The following ADTRP variants were observed in gnomAD, a reference collection of about 807,000 sequenced individuals.
ADTRP encodes androgen dependent TFPI regulating protein, also known as androgen-dependent TFPI-regulating protein.
A neutral mutation model predicts 27.0 loss-of-function variants in ADTRP; 20 were observed. The ratio of observed to expected loss-of-function variants is 0.74; its 90% CI spans 0.52 to 1.08. The LOEUF is 1.08. Among genes scored for constraint, ADTRP ranks in the 50% least tolerant of loss-of-function variants. The probability of loss-of-function intolerance (pLI) is 0.00; values close to 1 mark genes in which losing one functional copy is unlikely to be tolerated. For synonymous variants in ADTRP, 101 were observed against 105.2 expected, an observed-to-expected ratio of 0.96 and a Z score of 0.25; for missense variants, 251 against 275.0, an observed-to-expected ratio of 0.91 and a Z score of 0.62.
At chr6:11,722,470 G>A (rs1282149650) in intron 5 of ADTRP, among the ~76,000 whole-genome samples, 1 of 152,122 alleles carries the variant, frequency 6.6e-6, no homozygotes, top group Non-Finnish European at 1.5e-5. Context: ...AGAACAGAAT[G>A]GCATGTGGGC....
intron 4 of ADTRP, among the ~76,000 whole-genome samples, chr6:11,725,630 C>T (rs928285498): frequency 2.6e-5 from 4 of 152,048 alleles, no homozygotes; most frequent in African/African-American, 9.7e-5. Flanking sequence ...TGGTGGTTCT[C>T]CCCAAAATTA....
At chr6:11,777,940 T>C (rs1764012127) in intron 1 of ADTRP, among the ~76,000 whole-genome samples, 2 of 152,260 alleles carry the variant, frequency 1.3e-5, no homozygotes, top group South Asian at 4.1e-4. Context: ...GTATTTTTCA[T>C]AATCTGCTTT....
At chr6:11,722,716 T>G (rs1762056921) in intron 5 of ADTRP, among the ~76,000 whole-genome samples, 1 of 152,192 alleles carries the variant, frequency 6.6e-6, no homozygotes, top group Admixed American at 6.5e-5. Context: ...ATGATTTTTT[T>G]TTCTTAGGAA....
chr6:11,743,526 C>A (rs1762779670), intron 3 of ADTRP, among the ~76,000 whole-genome samples: 1 of 152,188 alleles, frequency 6.6e-6, no homozygotes, highest in Non-Finnish European at 1.5e-5. Context: ...TGGCCCTTAG[C>A]TGAATCCTGA....
chr6:11,772,223 C>T (rs1763808087), intron 1 of ADTRP, among the ~76,000 whole-genome samples: 1 of 152,212 alleles, frequency 6.6e-6, no homozygotes, highest in Non-Finnish European at 1.5e-5. Context: ...GTGTTCCGTG[C>T]CTTTTCCTGA....
chr6:11,723,678 A>G (rs1216726398), intron 4 of ADTRP, among the ~76,000 whole-genome samples, 178 bp from the exon 5 acceptor site: 2 of 152,172 alleles, frequency 1.3e-5, no homozygotes, highest in Non-Finnish European at 2.9e-5. Flanking sequence ...GGGTAAATCA[A>G]CTTGATTCAA....
chr6:11,720,453 G>A (rs904468280), intron 5 of ADTRP, among the ~76,000 whole-genome samples: 1 of 150,584 alleles, frequency 6.6e-6, no homozygotes, highest in African/African-American at 2.4e-5. Flanking sequence ...TGGTTGGTTT[G>A]CGGCCAGGTG....
chr6:11,775,148 G>C (rs137908552), intron 1 of ADTRP, among the ~76,000 whole-genome samples: 6,591 of 152,142 alleles, frequency 0.043, 219 homozygotes, highest in South Asian at 0.2. Flanking sequence ...GAAGGGGAAG[G>C]GGGTGGATGA....
chr6:11,742,772 G>A (rs954322279), intron 3 of ADTRP, among the ~76,000 whole-genome samples: 1 of 152,172 alleles, frequency 6.6e-6, no homozygotes, highest in African/African-American at 2.4e-5. Context: ...TGCTGCCAGT[G>A]AGGAGGTAAT....
In ADTRP at chr6:11,714,069, G is replaced by T; in HGVS notation, c.*409C>A. 5.9e-6 allele frequency: 1 copy of T among 168,260 alleles called. No individual in the cohort carries two copies. Among genetic ancestry groups the T allele is most frequent in the Non-Finnish European group, 1.3e-5 (1 of 79,388 alleles). The allele number at this position is 168,260 out of a possible 1,614,324, so 10.4% of individuals were successfully genotyped here. A position where few individuals can be genotyped will look rare whatever the true frequency, so the allele number is the denominator to read the frequency against. ...GGTTCTGACACTAAGTAACCCTTTT[G>T]CCTTTTGCAGGTAACTTCTCATCTA... On this transcript the variant is annotated 3_prime_UTR_variant, in exon 6 of 6. Coordinates refer to ENST00000414691, the MANE Select transcript of ADTRP (RefSeq NM_032744.4).
chr6:11,730,140 C>T (rs1388960834), intron 4 of ADTRP, among the ~76,000 whole-genome samples: 1 of 152,188 alleles, frequency 6.6e-6, no homozygotes, highest in African/African-American at 2.4e-5. Flanking sequence ...TCTCCTAGTC[C>T]TCCACCTCCA....
intron 3 of ADTRP, among the ~76,000 whole-genome samples, chr6:11,762,210 C>A (rs555846347): frequency 1.3e-5 from 2 of 152,200 alleles, no homozygotes; most frequent in Non-Finnish European, 2.9e-5. Flanking sequence ...ACTAGCCATG[C>A]CTTGCTCATG....
intron 2 of ADTRP, among the ~76,000 whole-genome samples, chr6:11,768,005 C>T (rs1050780026): frequency 1.8e-4 from 28 of 152,160 alleles, no homozygotes; most frequent in East Asian, 1.9e-4. Context: ...CCCCATTAGA[C>T]GGCAATAAGG....
Position 11,723,369 on chromosome 6 carries a change from T to C in ADTRP, c.638A>G (p.Lys213Arg), listed in dbSNP as rs894923985. The C allele has an allele frequency of 1.3e-5, 21 of 1,614,020 alleles. No homozygotes were observed. The highest frequency in any genetic ancestry group is 1.7e-5 in the Non-Finnish European group (20 of 1,180,038). The stretch of plus-strand genomic sequence containing the variant: ...CTGACCCCATTTCCAGTGGTTGAGC[T>C]TCTCTCCAAGTAGGTAGATGCTGGC... ...FIASIYLLGE[K>R]LNHWKWGDMR... The change falls in exon 5 of 6, where the codon AAG becomes AGG. Residue 213 changes from lysine (K) to arginine (R), a missense_variant. Transcript: ENST00000414691.
chr6:11,767,966 A>G (rs1006934524), intron 2 of ADTRP, among the ~76,000 whole-genome samples: 4 of 152,178 alleles, frequency 2.6e-5, no homozygotes, highest in African/African-American at 4.8e-5. Flanking sequence ...TCTCAGTTGT[A>G]TTTTGATTAA....
intron 1 of ADTRP, among the ~76,000 whole-genome samples, chr6:11,771,268 G>C (rs1763769832): frequency 6.6e-6 from 1 of 152,242 alleles, no homozygotes; most frequent in Non-Finnish European, 1.5e-5. Context: ...CACGGTGTGT[G>C]CCAGGCAGCC....
At chr6:11,731,309 CTT>C (rs938596850) in intron 4 of ADTRP, among the ~76,000 whole-genome samples, 3 of 152,206 alleles carry the variant, frequency 2.0e-5, no homozygotes, top group East Asian at 1.9e-4. Context: ...TTTCCCATCT[CTT>C]GTCACTCCAA....
intron 3 of ADTRP, among the ~76,000 whole-genome samples, chr6:11,746,886 C>A (rs141856015): frequency 1.3e-5 from 2 of 152,126 alleles, no homozygotes; most frequent in Non-Finnish European, 2.9e-5. Flanking sequence ...TCCTGCTCAG[C>A]GGATTCTTGG....
intron 1 of ADTRP, chr6:11,770,164 G>A (rs1561775471): frequency 1.5e-6 from 2 of 1,311,802 alleles, no homozygotes; most frequent in Non-Finnish European, 1.1e-6. Context: ...TCAGAAGAGA[G>A]ACAATTATCT....
Sources: allele counts gnomAD v4.1 joint callset (sites outside exome capture counted in the v4.1 genomes callset), GRCh38; gene constraint gnomAD v4.1.1; transcripts MANE v1.5; gene names NCBI Gene and HGNC (gene_info 2026-07-23, HGNC 2026-07-21).